Variants in RBM27 observed in about 807,000 individuals in gnomAD.
RBM27 encodes RNA-binding protein 27.
In RBM27, 22 loss-of-function variants were observed where a neutral mutation model predicts 135.3. The ratio of observed to expected loss-of-function variants is 0.16; its 90% CI spans 0.12 to 0.23. The LOEUF is 0.23. Among genes scored for constraint, RBM27 ranks in the 10% least tolerant of loss-of-function variants. The probability of loss-of-function intolerance (pLI) is 1.00; values close to 1 mark genes in which losing one functional copy is unlikely to be tolerated. For missense variants in RBM27, 1,009 were observed against 1,281.0 expected, an observed-to-expected ratio of 0.79 and a Z score of 3.24; for synonymous variants, 481 against 442.4, an observed-to-expected ratio of 1.09 and a Z score of -1.10.
In RBM27 at chr5:146,222,257, A is replaced by G. The variant is rs548067087; in HGVS notation, c.179-1146A>G. On this transcript the variant is annotated intron_variant, in intron 2 of 20. Coordinates refer to ENST00000265271, the MANE Select transcript of RBM27 (RefSeq NM_018989.2). Reference sequence around the variant, plus strand: ...AAGAAGATGCTTTTCTGTAGAAAAGATAACATTTTAGAAATAGCTTTTATG... The same window carrying G: ...AAGAAGATGCTTTTCTGTAGAAAAGGTAACATTTTAGAAATAGCTTTTATG... Among the ~76,000 whole-genome samples, 3 of 152,400 alleles carry G rather than the reference A, an allele frequency of 2.0e-5. No homozygotes were observed. The East Asian group carries it at 5.8e-4, about 29-fold the overall frequency.
intron 19 of RBM27, among the ~76,000 whole-genome samples, chr5:146,278,715 A>C (rs1019236546): frequency 6.7e-6 from 1 of 150,072 alleles, no homozygotes; most frequent in African/African-American, 2.4e-5. Flanking sequence ...TGGACATCCA[A>C]TTTTTTCCCA....
At chr5:146,275,356 C>G (rs185400321) in intron 19 of RBM27, among the ~76,000 whole-genome samples, 1 of 151,674 alleles carries the variant, frequency 6.6e-6, no homozygotes, top group African/African-American at 2.4e-5. Context: ...TTGCAATCTC[C>G]GCCTCCTAGG....
At chr5:146,207,897 C>T (rs1306389176) in intron 1 of RBM27, among the ~76,000 whole-genome samples, 7 of 147,864 alleles carry the variant, frequency 4.7e-5, no homozygotes, top group African/African-American at 7.5e-5. Context: ...TCAGGTGATC[C>T]GCCTCCCAAA....
At chr5:146,261,280 G>T in intron 12 of RBM27, 3 of 588,248 alleles carry the variant, frequency 5.1e-6, no homozygotes, top group Non-Finnish European at 9.0e-6. Flanking sequence ...GGTCAGGGCA[G>T]ATCTCTTTCT....
At chr5:146,228,644 A>G (rs1030211448) in intron 3 of RBM27, among the ~76,000 whole-genome samples, 7 of 152,014 alleles carry the variant, frequency 4.6e-5, no homozygotes, top group African/African-American at 1.7e-4. Context: ...TCTGTCATCC[A>G]GCCTGTGGTG....
chr5:146,274,767 T>A (rs1759021775), intron 19 of RBM27, among the ~76,000 whole-genome samples: 1 of 152,248 alleles, frequency 6.6e-6, no homozygotes, highest in East Asian at 1.9e-4. Flanking sequence ...ATATTTAATT[T>A]ACAGTGCAGG....
chr5:146,237,619 A>G (rs559263887), intron 8 of RBM27, among the ~76,000 whole-genome samples, 187 bp downstream of exon 8: 3 of 152,334 alleles, frequency 2.0e-5, no homozygotes, highest in South Asian at 4.1e-4. Flanking sequence ...TTTGTGTGAT[A>G]TGGGAGAGAA....
rs746206659 is a variant in RBM27, at chr5:146,271,071, A to G, written c.2796+13A>G. The G allele has an allele frequency of 6.3e-7, 1 of 1,586,410 alleles. No homozygotes were observed. Among genetic ancestry groups the G allele is most frequent in the South Asian group, 1.1e-5 (1 of 90,556 alleles). ...GTTACAGGTTGAGGTGAGATTTAAA[A>G]GGAGTTAGCGCCCCACCACATTTAA... On this transcript the variant is annotated intron_variant, in intron 18 of 20. Coordinates refer to ENST00000265271, the MANE Select transcript of RBM27 (RefSeq NM_018989.2).
intron 8 of RBM27, among the ~76,000 whole-genome samples, chr5:146,247,391 CAGTT>C (rs1466982807): frequency 1.3e-5 from 2 of 152,268 alleles, no homozygotes; most frequent in African/African-American, 4.8e-5. Flanking sequence ...GTGAAATATC[CAGTT>C]AGTTTTCATA....
chr5:146,215,564 C>G (rs1043456786), intron 1 of RBM27, among the ~76,000 whole-genome samples: 1 of 152,130 alleles, frequency 6.6e-6, no homozygotes, highest in Admixed American at 6.6e-5. Flanking sequence ...TTAGACTACC[C>G]TTATCCAAGA....
At chr5:146,265,161 C>T (rs1225298380) in intron 14 of RBM27, among the ~76,000 whole-genome samples, 2 of 152,088 alleles carry the variant, frequency 1.3e-5, no homozygotes, top group Non-Finnish European at 1.5e-5. Context: ...TAATGATATA[C>T]TCTTTATAAT....
At chr5:146,280,943 C>T (rs1057431399) in intron 19 of RBM27, among the ~76,000 whole-genome samples, 9 of 152,028 alleles carry the variant, frequency 5.9e-5, no homozygotes, top group African/African-American at 9.7e-5. Flanking sequence ...CTGCAGCCTT[C>T]GCCTCCCGGG....
At chr5:146,206,591 A>T (rs1755681343) in intron 1 of RBM27, among the ~76,000 whole-genome samples, 1 of 148,742 alleles carries the variant, frequency 6.7e-6, no homozygotes, top group Non-Finnish European at 1.5e-5. Flanking sequence ...TTGTTTATTT[A>T]TTTATTGAGA....
intron 14 of RBM27, among the ~76,000 whole-genome samples, chr5:146,264,102 T>C (rs1230269945): frequency 6.7e-6 from 1 of 148,558 alleles, no homozygotes; most frequent in Non-Finnish European, 1.5e-5. Flanking sequence ...CAAGACCCTG[T>C]GTCAAAAAAA....
At chr5:146,269,742 CTTTTTTTT>C (rs34783557) in intron 17 of RBM27, among the ~76,000 whole-genome samples, 158 bp downstream of exon 17, 108 of 118,934 alleles carry the variant, frequency 9.1e-4, no homozygotes, top group Non-Finnish European at 1.7e-3. Flanking sequence ...ATTATAGTAC[CTTTTTTTT>C]TTTTTTTTTT....
chr5:146,261,842 T>A, intron 13 of RBM27, 36 bp downstream of exon 13: 1 of 1,608,600 alleles, frequency 6.2e-7, no homozygotes, highest in Non-Finnish European at 8.5e-7. Flanking sequence ...GGTCTTTTAG[T>A]TACACCCTCT....
intron 1 of RBM27, among the ~76,000 whole-genome samples, chr5:146,211,297 T>A (rs1325984237): frequency 6.6e-6 from 1 of 151,722 alleles, no homozygotes; most frequent in Non-Finnish European, 1.5e-5. Flanking sequence ...AAATAAATAC[T>A]AAATTGCCTA....
rs534635427 is a variant in RBM27 at position 146,219,452 on chromosome 5, GT to G, written c.178+356del. On this transcript the variant is annotated intron_variant, in intron 2 of 20. Transcript: ENST00000265271. Reference sequence around the variant, plus strand: ...GTTCATTAAGATGATGAGCTCATCAGTTTTTTTCCCCCCTTGGATGGGGCTT... The same window carrying G: ...GTTCATTAAGATGATGAGCTCATCAGTTTTTTCCCCCCTTGGATGGGGCTT... Among the ~76,000 whole-genome samples, 412 of 152,278 alleles carry G rather than the reference GT, an allele frequency of 2.7e-3. 1 individual carries two copies. Among genetic ancestry groups the G allele is most frequent in the Non-Finnish European group, 4.1e-3 (282 of 68,008 alleles).
Position 146,271,478 on chromosome 5 carries a change from T to C in RBM27, c.2797-5T>C. The C allele has an allele frequency of 6.2e-7, 1 of 1,604,100 alleles. No homozygotes were observed. The highest frequency in any genetic ancestry group is 8.5e-7 in the Non-Finnish European group (1 of 1,172,174). ...TGCTACATTCTACTTTTTGTTGTTA[T>C]TCAGGCTGCACGGTTAGGTATTTTA... On this transcript the variant is annotated splice_polypyrimidine_tract_variant and splice_region_variant and intron_variant, in intron 18 of 20. Coordinates refer to ENST00000265271, the MANE Select transcript of RBM27 (RefSeq NM_018989.2).
Sources: gnomAD v4.1 joint callset for allele counts (sites outside exome capture counted in the v4.1 genomes callset) on GRCh38, gnomAD v4.1.1 for gene constraint, MANE v1.5 for transcripts, NCBI Gene and HGNC (gene_info 2026-07-23, HGNC 2026-07-21) for gene names.